Variants in MTUS2 observed in about 807,000 individuals in gnomAD.
MTUS2 encodes the protein microtubule associated scaffold protein 2.
Under a neutral mutation model 114.1 loss-of-function variants are expected in MTUS2, and 40 were observed. That is an observed-to-expected ratio of 0.35 (90% CI 0.27 to 0.46). The LOEUF (loss-of-function observed/expected upper bound fraction) is 0.46, where lower values mean the gene tolerates loss of function less well. MTUS2 is among the 20% of genes least tolerant of loss of function. The probability of loss-of-function intolerance (pLI) is 1.00; values close to 1 mark genes in which losing one functional copy is unlikely to be tolerated. For synonymous variants in MTUS2, 688 were observed against 672.0 expected (o/e 1.02, Z -0.37); for missense variants, 1,679 against 1,705.4 (o/e 0.98, Z 0.27).
intron 5 of MTUS2, among the ~76,000 whole-genome samples, chr13:29,237,632 C>T (rs1181526838): frequency 2.0e-5 from 3 of 152,190 alleles, no homozygotes; most frequent in African/African-American, 7.2e-5. Flanking sequence ...TCAGCTTCTA[C>T]TCTGGGATTA....
intron 2 of MTUS2, among the ~76,000 whole-genome samples, chr13:29,006,974 ATG>A (rs1421844984): frequency 6.6e-6 from 1 of 152,152 alleles, no homozygotes; most frequent in African/African-American, 2.4e-5. Flanking sequence ...CACAAGAAAT[ATG>A]TGTCTTTCCT....
chr13:28,893,173 G>A (rs1879036137), intron 2 of MTUS2, among the ~76,000 whole-genome samples: 2 of 152,108 alleles, frequency 1.3e-5, no homozygotes, highest in African/African-American at 4.8e-5. Context: ...TGAGATTTTT[G>A]AGCATGCAGT....
At chr13:28,853,292 A>T (rs1223359743) in intron 2 of MTUS2, among the ~76,000 whole-genome samples, 2 of 152,214 alleles carry the variant, frequency 1.3e-5, no homozygotes, top group African/African-American at 4.8e-5. Context: ...TTGATCCTGA[A>T]AGCAGCAGCA....
intron 3 of MTUS2, among the ~76,000 whole-genome samples, chr13:29,029,518 TCTATAAGGCAGGGAATCA>T (rs1301555536): frequency 6.6e-6 from 1 of 152,192 alleles, no homozygotes; most frequent in African/African-American, 2.4e-5. Context: ...GCTTTGCTCT[TCTATAAGGCAGGGAATCA>T]CTGCAGAGGT....
chr13:29,400,301 A>G (rs758088410), intron 8 of MTUS2, among the ~76,000 whole-genome samples: 2 of 152,232 alleles, frequency 1.3e-5, no homozygotes, highest in African/African-American at 4.8e-5. Flanking sequence ...ATGTATCTAT[A>G]TAAGTGGTCA....
At chr13:29,039,420 C>T (rs544847423) in intron 4 of MTUS2, among the ~76,000 whole-genome samples, 3 of 152,320 alleles carry the variant, frequency 2.0e-5, no homozygotes, top group African/African-American at 4.8e-5. Flanking sequence ...CATAGGGTCC[C>T]GCAAGGGCTA....
chr13:29,345,542 T>C (rs1363612666), intron 7 of MTUS2, among the ~76,000 whole-genome samples: 1 of 151,948 alleles, frequency 6.6e-6, no homozygotes, highest in Non-Finnish European at 1.5e-5. Flanking sequence ...GCTGTTTCTC[T>C]GGAGATTTTT....
intron 2 of MTUS2, among the ~76,000 whole-genome samples, chr13:28,914,717 A>C (rs970230679): frequency 6.6e-6 from 1 of 152,072 alleles, no homozygotes; most frequent in Non-Finnish European, 1.5e-5. Flanking sequence ...ATGGGAGTCT[A>C]AGTCTCCTTG....
chr13:29,410,693 ACTATGT>A (rs1875161910), intron 8 of MTUS2, among the ~76,000 whole-genome samples: 1 of 152,080 alleles, frequency 6.6e-6, no homozygotes, highest in Admixed American at 6.5e-5. Flanking sequence ...TATTTTTTTG[ACTATGT>A]CTATGGTAAT....
chr13:29,458,454 A>C (rs77663590), intron 9 of MTUS2, among the ~76,000 whole-genome samples: 2 of 152,364 alleles, frequency 1.3e-5, no homozygotes, highest in East Asian at 3.8e-4. Flanking sequence ...AGAATTTATA[A>C]TCAGGTGAGA....
chr13:28,920,441 A>ACT (rs1202657044), intron 2 of MTUS2, among the ~76,000 whole-genome samples: 1 of 152,136 alleles, frequency 6.6e-6, no homozygotes, highest in African/African-American at 2.4e-5. Flanking sequence ...GTCACCTGGA[A>ACT]CTAGGGGTGA....
chr13:28,900,341 G>A (rs573541582), intron 2 of MTUS2, among the ~76,000 whole-genome samples: 46 of 152,244 alleles, frequency 3.0e-4, no homozygotes, highest in Non-Finnish European at 5.9e-4. Context: ...AGTCTAATCA[G>A]TGTGGGTTCA....
At chr13:28,981,598 A>C (rs976703022) in intron 2 of MTUS2, among the ~76,000 whole-genome samples, 9 of 152,226 alleles carry the variant, frequency 5.9e-5, no homozygotes, top group Non-Finnish European at 1.2e-4. Context: ...GATGGAAAAA[A>C]GTAGAGTTCC....
intron 4 of MTUS2, among the ~76,000 whole-genome samples, chr13:29,048,686 T>C (rs1887747511): frequency 6.6e-6 from 1 of 152,158 alleles, no homozygotes; most frequent in African/African-American, 2.4e-5. Context: ...CCCAGGCTGA[T>C]CTCAAACCCC....
chr13:29,281,565 C>T (rs1898270045), intron 5 of MTUS2, 139 bp from the exon 6 acceptor site: 2 of 906,528 alleles, frequency 2.2e-6, no homozygotes, highest in Non-Finnish European at 3.3e-6. Context: ...CAGAAAAATA[C>T]TTTTCAAGGT....
At chr13:28,829,085 G>A (rs1874477021) in intron 1 of MTUS2, among the ~76,000 whole-genome samples, 1 of 152,168 alleles carries the variant, frequency 6.6e-6, no homozygotes, top group Non-Finnish European at 1.5e-5. Flanking sequence ...ATTTTAGAAT[G>A]GTGGAAATTA....
At chr13:29,382,411 G>C (rs557315121) in intron 8 of MTUS2, among the ~76,000 whole-genome samples, 1 of 152,274 alleles carries the variant, frequency 6.6e-6, no homozygotes, top group South Asian at 2.1e-4. Context: ...GCGTGAAGTC[G>C]ATGGGTGGTG....
At chr13:29,057,846 T>G (rs1025009572) in intron 4 of MTUS2, among the ~76,000 whole-genome samples, 1 of 152,290 alleles carries the variant, frequency 6.6e-6, no homozygotes, top group East Asian at 1.9e-4. Flanking sequence ...TTTGTGGTGT[T>G]AGTTGATTAT....
At chr13:29,236,367 A>G (rs8001783) in intron 5 of MTUS2, among the ~76,000 whole-genome samples, 9,147 of 152,226 alleles carry the variant, frequency 0.06, 291 homozygotes, top group Middle Eastern at 0.078. Flanking sequence ...TTGGGAGTAT[A>G]AGGACACATA....
Sources: gnomAD v4.1 joint callset for allele counts (sites outside exome capture counted in the v4.1 genomes callset) on GRCh38, gnomAD v4.1.1 for gene constraint, MANE v1.5 for transcripts, NCBI Gene and HGNC (gene_info 2026-07-23, HGNC 2026-07-21) for gene names.